The following CSDE1 variants were observed in gnomAD, a reference collection of about 807,000 sequenced individuals.
The protein encoded by CSDE1 is cold shock domain-containing protein E1.
A neutral mutation model predicts 89.3 loss-of-function variants in CSDE1; 17 were observed. The observed-to-expected ratio is 0.19, with a 90% CI of 0.13 to 0.29. The LOEUF (loss-of-function observed/expected upper bound fraction) is 0.29, where lower values mean the gene tolerates loss of function less well. Among genes scored for constraint, CSDE1 ranks in the 10% least tolerant of loss-of-function variants. CSDE1 has a pLI of 1.00. For synonymous variants in CSDE1, 322 were observed against 332.8 expected, an observed-to-expected ratio of 0.97 and a Z score of 0.35; for missense variants, 672 against 984.2, an observed-to-expected ratio of 0.68 and a Z score of 4.24.
rs549464818 is a variant in CSDE1, at chr1:114,738,222, G to A, written c.200-150C>T. 6 of 632,158 alleles carry A rather than the reference G, an allele frequency of 9.5e-6. No homozygotes were observed. In the South Asian group the frequency reaches 1.1e-4, roughly 12 times the overall value. The allele number at this position is 632,158 out of a possible 1,614,324, so 39.2% of individuals were successfully genotyped here. On this transcript the variant is annotated intron_variant, in intron 3 of 19. Coordinates refer to ENST00000358528, the MANE Select transcript of CSDE1 (RefSeq NM_001007553.3). ...GGACCAGCAGCATTAACATCACCTG[G>A]GAGCTTAAAAGAAATACTGGGCCTA... is the stretch of plus-strand genomic sequence containing the variant.
intron 6 of CSDE1, among the ~76,000 whole-genome samples, chr1:114,736,394 T>G (rs1261497041): frequency 6.6e-6 from 1 of 152,186 alleles, no homozygotes; most frequent in Non-Finnish European, 1.5e-5. Context: ...GACCAAACTT[T>G]TGGCCATTTT....
chr1:114,734,619 G>T (rs1570922686), intron 6 of CSDE1, 96 bp from the exon 7 acceptor site: 2 of 866,422 alleles, frequency 2.3e-6, no homozygotes, highest in East Asian at 2.7e-5. Flanking sequence ...AGTTTCCTGG[G>T]GCTTTAAGAA....
chr1:114,721,197 C>T (rs190589668), intron 16 of CSDE1, among the ~76,000 whole-genome samples: 1 of 152,228 alleles, frequency 6.6e-6, no homozygotes, highest in African/African-American at 2.4e-5. Flanking sequence ...CGAATTCTGG[C>T]TCCCTCACAT....
chr1:114,725,312 A>G lies in CSDE1; in HGVS notation c.1662T>C (p.Asp554=). Residue 554 remains aspartate, a synonymous_variant, in exon 15 of 20, where the codon GAT becomes GAC. Transcript: ENST00000358528. ...FHYSEFSGDV[D]SLELGDMVEY... ...CGACCATGTCCCCCAGTTCCAGGCT[A>G]TCAACATCACCAGAGAACTCACTAA... 1 of 1,614,128 alleles carries G rather than the reference A, an allele frequency of 6.2e-7. No homozygotes were observed. Among genetic ancestry groups the G allele is most frequent in the South Asian group, 1.1e-5 (1 of 91,086 alleles).
At chr1:114,726,514 A>G (rs1326761031) in intron 13 of CSDE1, 128 bp from the exon 14 acceptor site, 5 of 691,958 alleles carry the variant, frequency 7.2e-6, no homozygotes, top group East Asian at 3.0e-5. Flanking sequence ...TATTACTTCA[A>G]TGAAATTGAT....
At chr1:114,731,391 A>T (rs970444465) in intron 10 of CSDE1, among the ~76,000 whole-genome samples, 2 of 107,438 alleles carry the variant, frequency 1.9e-5, no homozygotes, top group Non-Finnish European at 3.5e-5. Context: ...TTGAAAATGT[A>T]AAAAAAAAAA....
intron 2 of CSDE1, chr1:114,746,752 C>T (rs1432984624): frequency 6.6e-6 from 1 of 152,224 alleles, no homozygotes; most frequent in East Asian, 1.9e-4. Flanking sequence ...TCCAACATTT[C>T]TCCATATTGA....
chr1:114,752,291 C>G (rs1383555062), intron 1 of CSDE1, among the ~76,000 whole-genome samples: 1 of 152,116 alleles, frequency 6.6e-6, no homozygotes, highest in Non-Finnish European at 1.5e-5. Context: ...TCTCCCCTGT[C>G]AAACATCTTC....
chr1:114,734,559 A>T, intron 6 of CSDE1, 36 bp from the exon 7 acceptor site: 5 of 1,554,320 alleles, frequency 3.2e-6, no homozygotes, highest in Non-Finnish European at 4.4e-6. Flanking sequence ...GAGGAATGAA[A>T]CAGGGATTAA....
intron 2 of CSDE1, among the ~76,000 whole-genome samples, chr1:114,749,445 A>G (rs982928936): frequency 1.3e-5 from 2 of 152,224 alleles, no homozygotes; most frequent in Non-Finnish European, 2.9e-5. Flanking sequence ...AGAAGCTAAC[A>G]TTGAAGACAG....
intron 19 of CSDE1, 39 bp from the exon 20 acceptor site, chr1:114,718,255 T>C: frequency 6.3e-7 from 1 of 1,593,356 alleles, no homozygotes; most frequent in South Asian, 1.1e-5. Flanking sequence ...CAGTTAATGA[T>C]TTGAGCGCAC....
chr1:114,749,480 T>C (rs1344308532), intron 2 of CSDE1, among the ~76,000 whole-genome samples: 2 of 152,210 alleles, frequency 1.3e-5, no homozygotes, highest in African/African-American at 4.8e-5. Flanking sequence ...CAGACGTCAG[T>C]AGCAAATATC....
At chr1:114,748,447 C>T (rs756604591) in intron 2 of CSDE1, 1 of 152,224 alleles carries the variant, frequency 6.6e-6, no homozygotes, top group East Asian at 1.9e-4. Flanking sequence ...AATTGCTCTT[C>T]ATAAGCCTAC....
intron 17 of CSDE1, 72 bp downstream of exon 17, chr1:114,720,467 G>A: frequency 7.4e-7 from 1 of 1,346,354 alleles, no homozygotes; most frequent in Non-Finnish European, 1.0e-6. Flanking sequence ...CCCCTTGGCT[G>A]AAAATATTTG....
intron 16 of CSDE1, among the ~76,000 whole-genome samples, chr1:114,722,038 T>C (rs1267792423): frequency 6.6e-6 from 1 of 151,620 alleles, no homozygotes; most frequent in Non-Finnish European, 1.5e-5. Context: ...CCCACCATGA[T>C]ACCTGGCTAA....
At chr1:114,739,557 C>A (rs1660606514) in intron 3 of CSDE1, 135 bp downstream of exon 3, 1 of 670,974 alleles carries the variant, frequency 1.5e-6, no homozygotes, top group East Asian at 2.5e-5. Context: ...TACAGATATT[C>A]TTCACTAAAC....
intron 1 of CSDE1, among the ~76,000 whole-genome samples, chr1:114,755,849 A>C (rs973239166): frequency 2.0e-5 from 3 of 152,256 alleles, no homozygotes; most frequent in African/African-American, 7.2e-5. Flanking sequence ...CATCGTTCCA[A>C]AATTTCCATG....
chr1:114,739,965 C>T, intron 2 of CSDE1, 75 bp from the exon 3 acceptor site: 2 of 1,254,398 alleles, frequency 1.6e-6, no homozygotes, highest in Non-Finnish European at 2.3e-6. Flanking sequence ...GTTAATAAGT[C>T]ACTAAATCTT....
At position 114,732,948 on chromosome 1, in the gene CSDE1, A is replaced by G. The variant is rs532130379; in HGVS notation, c.838-132T>C. On this transcript the variant is annotated intron_variant, in intron 9 of 19. Transcript: ENST00000358528. ...CCTGAAGCGAAAAAAGGTGTTGACA[A>G]CATAAGTCCAATGTGAAAGCTTCAT... The G allele has an allele frequency of 5.6e-6, 4 of 710,704 alleles. No individual in the cohort carries two copies. The East Asian group carries it at 7.9e-5, about 14-fold the overall frequency. 44.0% of individuals were successfully genotyped at this position (710,704 alleles called of 1,614,324 possible). A position where few individuals can be genotyped will look rare whatever the true frequency, so the allele number is the denominator to read the frequency against.
Sources: gnomAD v4.1 joint callset for allele counts (sites outside exome capture counted in the v4.1 genomes callset) on GRCh38, gnomAD v4.1.1 for gene constraint, MANE v1.5 for transcripts, NCBI Gene and HGNC (gene_info 2026-07-23, HGNC 2026-07-21) for gene names.